Variants in CELSR1 observed in about 807,000 individuals in gnomAD.
CELSR1 encodes the protein adhesion G protein-coupled receptor C1.
Under a neutral mutation model 249.1 loss-of-function variants are expected in CELSR1, and 110 were observed. That is an observed-to-expected ratio of 0.44 (90% CI 0.38 to 0.52). The LOEUF (loss-of-function observed/expected upper bound fraction) is 0.52. CELSR1 is among the 20% of genes least tolerant of loss of function. The probability of loss-of-function intolerance (pLI) is 0.00; values close to 1 mark genes in which losing one functional copy is unlikely to be tolerated. For missense variants in CELSR1, 4,109 were observed against 4,296.4 expected, an observed-to-expected ratio of 0.96 and a Z score of 1.22; for synonymous variants, 2,113 against 1,900.0, an observed-to-expected ratio of 1.11 and a Z score of -2.92.
chr22:46,462,035 A>G (rs1295894002), intron 2 of CELSR1, among the ~76,000 whole-genome samples: 1 of 152,228 alleles, frequency 6.6e-6, no homozygotes, highest in East Asian at 1.9e-4. Flanking sequence ...GCCTGCTCAT[A>G]CCTGGAGTCG....
rs899454373 is a variant in CELSR1, at chr22:46,512,118, T to C, written c.3544+21509A>G. Among the ~76,000 whole-genome samples the C allele has an allele frequency of 3.3e-5, 5 of 151,980 alleles. No homozygotes were observed. Among genetic ancestry groups the C allele is most frequent in the African/African-American group, 1.2e-4 (5 of 41,354 alleles). On this transcript the variant is annotated intron_variant, in intron 1 of 34. Coordinates refer to ENST00000674500, the MANE Select transcript of CELSR1 (RefSeq NM_001378328.1). The surrounding 1 kb of genome is among the most constrained non-coding windows in gnomAD (Gnocchi z 5.2). ...GTGGCCCCCACGCTGCCAGGAGCTC[T>C]CAGTGTGGCAAACACAGCAGCAGCA...
intron 5 of CELSR1, among the ~76,000 whole-genome samples, chr22:46,418,085 G>A (rs1028116867): frequency 4.6e-5 from 7 of 152,260 alleles, no homozygotes; most frequent in Non-Finnish European, 8.8e-5. Flanking sequence ...TTGCAGCCAT[G>A]CCTGCTATTG....
chr22:46,466,589 C>G (rs965699301), intron 1 of CELSR1, among the ~76,000 whole-genome samples: 3 of 152,200 alleles, frequency 2.0e-5, no homozygotes, highest in African/African-American at 7.2e-5. Flanking sequence ...CACACTGAGC[C>G]TGGCCACACT....
intron 1 of CELSR1, among the ~76,000 whole-genome samples, chr22:46,530,873 C>G (rs957065002): frequency 6.6e-6 from 1 of 151,858 alleles, no homozygotes; most frequent in Non-Finnish European, 1.5e-5. Flanking sequence ...TCCCACTAAA[C>G]GTAGTCGATG....
At position 46,377,221 on chromosome 22, in the gene CELSR1, G is replaced by A. The variant is rs767231427; in HGVS notation, c.7424C>T (p.Ala2475Val). ...CAGGGCTGCCAGTGACAAGGACACA[G>A]CGGCATAGGTGACAATCTTCAGAGG... ...VLPLKIVTYA[A>V]VSLSLAALLV... is the part of the protein sequence containing the mutation. Residue 2475 changes from alanine (A) to valine (V), a missense_variant, in exon 24 of 35, where the codon GCT becomes GTT. Ala to Val is a moderately conservative substitution (Grantham distance 64). This residue lies in a region of CELSR1 where 1,805 missense variants were observed against 1,831.6 expected (regional missense o/e 0.99). Coordinates refer to ENST00000674500, the MANE Select transcript of CELSR1 (RefSeq NM_001378328.1). 23 of 1,614,060 alleles carry A rather than the reference G, an allele frequency of 1.4e-5. No individual in the cohort carries two copies. The highest frequency in any genetic ancestry group is 1.9e-5 in the Non-Finnish European group (23 of 1,180,036).
In CELSR1 at chr22:46,433,724, G is replaced by A. The variant is rs1006289764; in HGVS notation, c.4523-243C>T. 5.9e-5 allele frequency among the ~76,000 whole-genome samples: 9 copies of A among 152,178 alleles called. No homozygotes were observed. Among genetic ancestry groups the A allele is most frequent in the Non-Finnish European group, 8.8e-5 (6 of 68,000 alleles). On this transcript the variant is annotated intron_variant, in intron 4 of 34. Transcript: ENST00000674500. This position sits in a 1 kb window ranked among gnomAD's most constrained non-coding sequence, Gnocchi z 5.7. ...TTTTGAGATGGAGTCTTGCTCTGTC[G>A]CCCAGGCTGGAGTGCAGTGGCGTGA...
chr22:46,419,334 A>G (rs1401844948), intron 5 of CELSR1, among the ~76,000 whole-genome samples: 1 of 152,206 alleles, frequency 6.6e-6, no homozygotes, highest in Non-Finnish European at 1.5e-5. Context: ...GGGATTTTAT[A>G]GGCAAAAAGT....
At chr22:46,375,283 C>T (rs1365307075) in intron 24 of CELSR1, among the ~76,000 whole-genome samples, 2 of 152,192 alleles carry the variant, frequency 1.3e-5, no homozygotes. Context: ...CCTTCCTTGG[C>T]CTCTGCAGGT....
At position 46,365,664 on chromosome 22, in the gene CELSR1, C is replaced by T. The variant is rs142042773; in HGVS notation, c.8326G>A (p.Val2776Met). The change falls in exon 31 of 35, where the codon GTG becomes ATG. Residue 2776 changes from valine to methionine, a missense_variant. Coordinates refer to ENST00000674500, the MANE Select transcript of CELSR1 (RefSeq NM_001378328.1). ...VRDEGIQKLG[V>M]SSGLVRGSHG... Reference sequence around the variant, plus strand: ...CTGCCCCTCACCAGCCCAGAGGACACGCCGAGCTTCTGGATCCCTTCATCC... The same window carrying T: ...CTGCCCCTCACCAGCCCAGAGGACATGCCGAGCTTCTGGATCCCTTCATCC... The T allele has an allele frequency of 1.5e-4, 243 of 1,582,960 alleles. No individual in the cohort carries two copies. In the African/African-American group the frequency reaches 2.3e-3, roughly 15 times the overall value.
At chr22:46,519,441 GCA>G (rs1356061449) in intron 1 of CELSR1, among the ~76,000 whole-genome samples, 3 of 152,230 alleles carry the variant, frequency 2.0e-5, no homozygotes, top group Non-Finnish European at 2.9e-5. Flanking sequence ...CTGAGGGCCA[GCA>G]CTGGGCCACA....
In CELSR1 at chr22:46,391,218, G is replaced by A. The variant is rs1404967821; in HGVS notation, c.6218C>T (p.Pro2073Leu). Reference sequence around the variant, plus strand: ...TCCCTTAGGGCATGGCACCGCAGCCGGCTGCCCGAACTTGGTCTGTGGCCA... The same window carrying A: ...TCCCTTAGGGCATGGCACCGCAGCCAGCTGCCCGAACTTGGTCTGTGGCCA... ...IWWPQTKFGQ[P>L]AAVPCPKGSV... is the part of the protein sequence containing the mutation. The change falls in exon 16 of 35, where the codon CCG becomes CTG. Residue 2073 changes from proline (P) to leucine (L), a missense_variant. By Grantham distance (98) the Pro-to-Leu change is moderately conservative. Coordinates refer to ENST00000674500, the MANE Select transcript of CELSR1 (RefSeq NM_001378328.1). This position sits in a 1 kb window ranked among gnomAD's most constrained non-coding sequence, Gnocchi z 4.3. 1.9e-6 allele frequency: 3 copies of A among 1,613,348 alleles called. No homozygotes were observed. Among genetic ancestry groups the A allele is most frequent in the Non-Finnish European group, 2.5e-6 (3 of 1,179,976 alleles).
chr22:46,426,829 T>C (rs1438413499), intron 5 of CELSR1, among the ~76,000 whole-genome samples: 3 of 152,152 alleles, frequency 2.0e-5, no homozygotes, highest in Non-Finnish European at 4.4e-5. Context: ...GACGCTGCCA[T>C]TTATGAGGAA....
In CELSR1 at chr22:46,380,865, G is replaced by T. The variant is rs140558529; in HGVS notation, c.7179C>A (p.Pro2393=). 2,455 of 1,612,912 alleles carry T rather than the reference G, an allele frequency of 1.5e-3. 10 individuals carry two copies. The highest frequency in any genetic ancestry group is 1.4e-3 in the Non-Finnish European group (1,681 of 1,179,894). ...GAPLPRPLER[P]VLVEFALLEV... is the part of the protein sequence containing the mutation. ...CCAGCAGGGCGAACTCCACCAGGAC[G>T]GGCCTCTCCAGGGGTCTCGGGAGCG... Residue 2393 remains proline (P), a synonymous_variant, in exon 22 of 35, where the codon CCC becomes CCA. Transcript: ENST00000674500. The surrounding 1 kb of genome is among the most constrained non-coding windows in gnomAD (Gnocchi z 5.1).
Position 46,471,788 on chromosome 22 carries a change from C to T in CELSR1, c.3545-7443G>A, listed in dbSNP as rs2080157930. On this transcript the variant is annotated intron_variant, in intron 1 of 34. Transcript: ENST00000674500. The surrounding 1 kb of genome is among the most constrained non-coding windows in gnomAD (Gnocchi z 4.9). ...GATTTCCCTCATTTCCACCCACTGT[C>T]CTCTCCTGTCCCAGGACCCCACACC... 6.6e-6 allele frequency among the ~76,000 whole-genome samples: 1 copy of T among 152,170 alleles called. No homozygotes were observed. The highest frequency in any genetic ancestry group is 2.1e-4 in the South Asian group (1 of 4,832).
At chr22:46,477,343 T>C (rs1395938057) in intron 1 of CELSR1, among the ~76,000 whole-genome samples, 2 of 152,164 alleles carry the variant, frequency 1.3e-5, no homozygotes, top group Admixed American at 1.3e-4. Flanking sequence ...CCTTCTGTTG[T>C]CTCTGCTTTG....
At chr22:46,389,218 C>G (rs1464317695) in intron 18 of CELSR1, 72 bp downstream of exon 18, 5 of 1,519,326 alleles carry the variant, frequency 3.3e-6, no homozygotes, top group Admixed American at 3.4e-5. Context: ...ACGCCCAGCC[C>G]CACAGCACCC....
chr22:46,415,124 G>C (rs1170167857), intron 5 of CELSR1, among the ~76,000 whole-genome samples: 2 of 152,178 alleles, frequency 1.3e-5, no homozygotes, highest in African/African-American at 2.4e-5. Context: ...GAGGAGGATG[G>C]GGGGTGACTG....
Position 46,390,038 on chromosome 22 carries a change from G to A in CELSR1, c.6345+354C>T, listed in dbSNP as rs2079072375. Among the ~76,000 whole-genome samples the A allele has an allele frequency of 6.6e-6, 1 of 152,222 alleles. No individual in the cohort carries two copies. Among genetic ancestry groups the A allele is most frequent in the Non-Finnish European group, 1.5e-5 (1 of 68,040 alleles). On this transcript the variant is annotated intron_variant, in intron 17 of 34. Coordinates refer to ENST00000674500, the MANE Select transcript of CELSR1 (RefSeq NM_001378328.1). The surrounding 1 kb of genome is among the most constrained non-coding windows in gnomAD (Gnocchi z 6.3). Reference sequence around the variant, plus strand: ...AAACGAGGGTCTGGTGGGCCAAAGAGGGCTCAGAGAAAGATAGCGAGTGGG... The same window carrying A: ...AAACGAGGGTCTGGTGGGCCAAAGAAGGCTCAGAGAAAGATAGCGAGTGGG...
chr22:46,367,833 G>A lies in CELSR1; in HGVS notation c.7975C>T (p.Leu2659Phe), dbSNP rs1405655386. The A allele has an allele frequency of 1.2e-6, 2 of 1,611,376 alleles. No homozygotes were observed. The highest frequency in any genetic ancestry group is 1.1e-5 in the South Asian group (1 of 90,544). Residue 2659 changes from leucine (L) to phenylalanine (F), a missense_variant, in exon 28 of 35, where the codon CTC (leucine) becomes TTC (phenylalanine). Around this residue, in one of 7 missense-constraint regions of CELSR1, gnomAD observed 1,805 missense variants for 1,831.6 expected, o/e 0.99. Transcript: ENST00000674500. ...GIVSLLRTAF[L>F]LLLLISATWL... ...GTGGCGCTGATGAGCAGCAGCAGGA[G>A]GAATGCGGTCCTCAGCAGGGAGCTG... is the stretch of plus-strand genomic sequence containing the variant.
Sources: allele counts gnomAD v4.1 joint callset (sites outside exome capture counted in the v4.1 genomes callset), GRCh38; gene constraint gnomAD v4.1.1; regional missense constraint gnomAD v4.1.1; non-coding constraint Gnocchi (gnomAD v3.1); transcripts MANE v1.5; gene names NCBI Gene and HGNC (gene_info 2026-07-23, HGNC 2026-07-21).